EYS: variants seen among roughly 807,000 people sequenced by gnomAD.
EYS encodes protein eyes shut homolog.
A neutral mutation model predicts 282.1 loss-of-function variants in EYS; 250 were observed. The ratio of observed to expected loss-of-function variants is 0.89; its 90% CI spans 0.80 to 0.98. EYS has a LOEUF of 0.98. Ranked by LOEUF, EYS falls within the 50% of genes least tolerant of loss-of-function variation. EYS has a pLI of 0.00. For synonymous variants in EYS, 1,355 were observed against 1,282.9 expected (o/e 1.06, Z -1.20); for missense variants, 4,016 against 3,709.0 (o/e 1.08, Z -2.15).
At chr6:65,182,946 G>A (rs774210536) in intron 12 of EYS, among the ~76,000 whole-genome samples, 8 of 151,476 alleles carry the variant, frequency 5.3e-5, no homozygotes, top group South Asian at 2.1e-4. Flanking sequence ...ACACCACCAC[G>A]CCTGGCTGAT....
chr6:65,084,167 C>G (rs892322894), intron 12 of EYS, among the ~76,000 whole-genome samples: 5 of 151,990 alleles, frequency 3.3e-5, no homozygotes, highest in Admixed American at 6.6e-5. Flanking sequence ...TAGAATCACT[C>G]AAAAGGTTCT....
At chr6:64,853,939 G>A (rs1765966476) in intron 19 of EYS, among the ~76,000 whole-genome samples, 1 of 151,904 alleles carries the variant, frequency 6.6e-6, no homozygotes, top group African/African-American at 2.4e-5. Flanking sequence ...AGTGGGTGAA[G>A]GATATGAACA....
intron 29 of EYS, among the ~76,000 whole-genome samples, chr6:64,371,131 A>G (rs1365677155): frequency 6.6e-6 from 1 of 151,928 alleles, no homozygotes; most frequent in Non-Finnish European, 1.5e-5. Context: ...AGATCTTCCT[A>G]ACTTTTTGAT....
intron 41 of EYS, among the ~76,000 whole-genome samples, chr6:63,740,550 C>T (rs1769049488): frequency 6.6e-6 from 1 of 152,302 alleles, no homozygotes; most frequent in African/African-American, 2.4e-5. Flanking sequence ...TAAGTTGGCA[C>T]CTCCCATTTC....
intron 24 of EYS, among the ~76,000 whole-genome samples, chr6:64,593,884 C>T (rs149612890): frequency 2.2e-4 from 33 of 151,850 alleles, no homozygotes; most frequent in Admixed American, 4.6e-4. Flanking sequence ...ATGAAAATTG[C>T]GATAATGTAT....
intron 22 of EYS, among the ~76,000 whole-genome samples, chr6:64,715,218 GC>G (rs1373189163): frequency 6.6e-6 from 1 of 152,114 alleles, no homozygotes; most frequent in African/African-American, 2.4e-5. Flanking sequence ...ATCAGTGGGA[GC>G]CTTGAGTTTG....
chr6:63,985,246 C>T (rs562549478), intron 34 of EYS, among the ~76,000 whole-genome samples: 8 of 151,624 alleles, frequency 5.3e-5, no homozygotes, highest in South Asian at 2.1e-4. Context: ...AACAAAAAGG[C>T]GGAGATCAGG....
chr6:64,739,754 A>T (rs1162295057), intron 22 of EYS, among the ~76,000 whole-genome samples: 1 of 152,132 alleles, frequency 6.6e-6, no homozygotes, highest in Non-Finnish European at 1.5e-5. Context: ...CAATACCGAC[A>T]TTCCTTCAAA....
At chr6:65,027,650 A>C (rs1044689571) in intron 13 of EYS, among the ~76,000 whole-genome samples, 34 of 152,178 alleles carry the variant, frequency 2.2e-4, no homozygotes, top group Non-Finnish European at 4.6e-4. Context: ...TATAAGTGGA[A>C]TCATGCAATA....
intron 18 of EYS, among the ~76,000 whole-genome samples, chr6:64,896,403 CA>C (rs1483321423): frequency 6.6e-6 from 1 of 152,128 alleles, no homozygotes; most frequent in Non-Finnish European, 1.5e-5. Context: ...CTATCTGGCA[CA>C]GATACTATGC....
intron 19 of EYS, among the ~76,000 whole-genome samples, chr6:64,827,352 C>A (rs1765090861): frequency 6.6e-6 from 1 of 151,742 alleles, no homozygotes; most frequent in Non-Finnish European, 1.5e-5. Context: ...TTATCAGAGT[C>A]TCTTTAGGGT....
chr6:64,082,409 T>C (rs2149869488), intron 31 of EYS, among the ~76,000 whole-genome samples: 1 of 152,242 alleles, frequency 6.6e-6, no homozygotes, highest in African/African-American at 2.4e-5. Context: ...TATATATATT[T>C]ATGGGTTTCA....
intron 14 of EYS, among the ~76,000 whole-genome samples, chr6:64,973,221 T>C (rs527458168): frequency 6.6e-6 from 1 of 152,116 alleles, no homozygotes; most frequent in African/African-American, 2.4e-5. Context: ...AGAAAACAAA[T>C]CTATAGGAAA....
intron 22 of EYS, chr6:64,733,106 C>G (rs547711430): frequency 6.6e-6 from 1 of 152,304 alleles, no homozygotes; most frequent in Non-Finnish European, 1.5e-5. Context: ...TTCCTGAGCC[C>G]TGGAGAACAA....
At chr6:65,075,746 C>T (rs1197060344) in intron 12 of EYS, among the ~76,000 whole-genome samples, 1 of 151,726 alleles carries the variant, frequency 6.6e-6, no homozygotes, top group East Asian at 1.9e-4. Context: ...CCTAATATTT[C>T]TAAGGAGAAT....
Position 63,870,217 on chromosome 6 carries a change from A to T in EYS, c.7056-5859T>A, listed in dbSNP as rs964593747. On this transcript the variant is annotated intron_variant, in intron 35 of 42. Transcript: ENST00000503581. ...AATTTCCACTAAAAAGACATAAAAA[A>T]TTATCTTAAAATATTTAAGCCAGCA... Among the ~76,000 whole-genome samples the T allele has an allele frequency of 2.6e-5, 4 of 152,326 alleles. No homozygotes were observed. In the South Asian group the frequency reaches 8.3e-4, roughly 32 times the overall value.
intron 12 of EYS, among the ~76,000 whole-genome samples, chr6:65,196,012 T>C (rs533416608): frequency 4.6e-5 from 7 of 152,072 alleles, no homozygotes; most frequent in Non-Finnish European, 1.0e-4. Flanking sequence ...CAGTGGATAA[T>C]GAATGCCTTG....
intron 31 of EYS, among the ~76,000 whole-genome samples, chr6:64,117,611 G>A (rs1345003850): frequency 2.7e-5 from 4 of 149,700 alleles, no homozygotes; most frequent in African/African-American, 9.8e-5. Context: ...GGATACCCTA[G>A]AAAAATGAAA....
chr6:63,748,530 T>A (rs1295956826), intron 41 of EYS, among the ~76,000 whole-genome samples: 1 of 152,202 alleles, frequency 6.6e-6, no homozygotes, highest in Non-Finnish European at 1.5e-5. Context: ...TCCCTCCTCA[T>A]CAATTTTTTG....
Sources: allele counts gnomAD v4.1 joint callset (sites outside exome capture counted in the v4.1 genomes callset), GRCh38; gene constraint gnomAD v4.1.1; transcripts MANE v1.5; gene names NCBI Gene and HGNC (gene_info 2026-07-23, HGNC 2026-07-21).